STK3: variants seen among roughly 807,000 people sequenced by gnomAD.
STK3 encodes serine/threonine kinase 3, also known as serine/threonine-protein kinase 3.
STK3 carries 41 observed loss-of-function variants against 58.0 expected under a neutral mutation model. The observed-to-expected ratio is 0.71, with a 90% CI of 0.55 to 0.92. The LOEUF (loss-of-function observed/expected upper bound fraction) is 0.92, where lower values mean the gene tolerates loss of function less well. Among genes scored for constraint, STK3 ranks in the 40% least tolerant of loss-of-function variants. The pLI, the probability that STK3 is intolerant of heterozygous loss-of-function variation, is 0.00. For synonymous variants in STK3, 170 were observed against 191.0 expected, an observed-to-expected ratio of 0.89 and a Z score of 0.91; for missense variants, 479 against 602.7, an observed-to-expected ratio of 0.79 and a Z score of 2.15.
chr8:98,697,670 G>C (rs1158922455), intron 6 of STK3, among the ~76,000 whole-genome samples: 1 of 152,182 alleles, frequency 6.6e-6, no homozygotes, highest in African/African-American at 2.4e-5. Context: ...GAGTGGTTTT[G>C]AGTGAGTTTC....
At chr8:98,528,760 G>A (rs895494855) in intron 9 of STK3, among the ~76,000 whole-genome samples, 2 of 152,038 alleles carry the variant, frequency 1.3e-5, no homozygotes, top group African/African-American at 4.8e-5. Flanking sequence ...GGACCCTGAT[G>A]GGCAACTGTA....
intron 3 of STK3, among the ~76,000 whole-genome samples, chr8:98,420,232 C>T (rs976526654): frequency 2.6e-5 from 4 of 152,106 alleles, no homozygotes; most frequent in South Asian, 2.1e-4. Flanking sequence ...CTTTGTCTGG[C>T]GAATCCATGC....
At chr8:98,609,811 T>C (rs1201305995) in intron 6 of STK3, among the ~76,000 whole-genome samples, 1 of 151,706 alleles carries the variant, frequency 6.6e-6, no homozygotes, top group Non-Finnish European at 1.5e-5. Flanking sequence ...ATACAAAAAA[T>C]TAACTGGGCG....
At chr8:98,531,120 A>T (rs930326316) in intron 9 of STK3, among the ~76,000 whole-genome samples, 1 of 152,238 alleles carries the variant, frequency 6.6e-6, no homozygotes, top group Non-Finnish European at 1.5e-5. Flanking sequence ...TATGAATCAC[A>T]AATGTTCTTA....
At chr8:98,912,205 C>T (rs562038436) in intron 1 of STK3, among the ~76,000 whole-genome samples, 2 of 152,188 alleles carry the variant, frequency 1.3e-5, no homozygotes, top group South Asian at 4.2e-4. Context: ...ATGGCAAAAC[C>T]TCGTCTCTAC....
chr8:98,801,986 A>G (rs1269409011), intron 1 of STK3, among the ~76,000 whole-genome samples: 1 of 152,162 alleles, frequency 6.6e-6, no homozygotes, highest in African/African-American at 2.4e-5. Flanking sequence ...AGCCTGGGCA[A>G]TGTAGCAAGA....
At chr8:98,492,044 A>G (rs184585269) in intron 10 of STK3, among the ~76,000 whole-genome samples, 7 of 152,360 alleles carry the variant, frequency 4.6e-5, no homozygotes, top group Admixed American at 3.3e-4. Flanking sequence ...GCTAAGACAG[A>G]AACATCATAT....
At chr8:98,917,659 C>T (rs776680267) in intron 1 of STK3, among the ~76,000 whole-genome samples, 2 of 152,158 alleles carry the variant, frequency 1.3e-5, no homozygotes, top group Non-Finnish European at 2.9e-5. Context: ...ATAGCCCAGC[C>T]TCTAGAACCG....
At chr8:98,371,878 G>A (rs1324143405) in intron 2 of STK3, among the ~76,000 whole-genome samples, 3 of 152,274 alleles carry the variant, frequency 2.0e-5, no homozygotes, top group East Asian at 1.9e-4. Flanking sequence ...CAAATTGCGT[G>A]TTGAAGTCTG....
chr8:98,547,675 G>C (rs1353803714), intron 9 of STK3, among the ~76,000 whole-genome samples: 1 of 152,180 alleles, frequency 6.6e-6, no homozygotes, highest in Non-Finnish European at 1.5e-5. Flanking sequence ...GAAAGTAAAT[G>C]TTAGGAACAC....
intron 1 of STK3, among the ~76,000 whole-genome samples, chr8:98,808,036 G>A (rs958196700): frequency 2.0e-5 from 3 of 152,204 alleles, no homozygotes; most frequent in Non-Finnish European, 4.4e-5. Flanking sequence ...AAAGTCCTAA[G>A]AGCTATGAAA....
At chr8:98,941,424 C>G (rs1840423562) in intron 1 of STK3, among the ~76,000 whole-genome samples, 1 of 152,238 alleles carries the variant, frequency 6.6e-6, no homozygotes, top group South Asian at 2.1e-4. Flanking sequence ...TGCAAAAGGT[C>G]CCCGCCCCGC....
intron 6 of STK3, among the ~76,000 whole-genome samples, chr8:98,692,031 T>G (rs1291598771): frequency 6.6e-6 from 1 of 151,798 alleles, no homozygotes; most frequent in Admixed American, 6.6e-5. Flanking sequence ...ATGTTCAATA[T>G]CACTAGTCAT....
chr8:98,682,415 A>C, intron 6 of STK3, among the ~76,000 whole-genome samples: 1 of 152,212 alleles, frequency 6.6e-6, no homozygotes, highest in Non-Finnish European at 1.5e-5. Flanking sequence ...AGAATGTAAG[A>C]GATTCACGAG....
chr8:98,509,408 G>A (rs748297690), intron 10 of STK3, among the ~76,000 whole-genome samples: 130 of 151,896 alleles, frequency 8.6e-4, no homozygotes, highest in Non-Finnish European at 8.8e-4. Context: ...TACTTAGGCT[G>A]TTTTATATAA....
chr8:98,352,782 A>C, the STK3 span, among the ~76,000 whole-genome samples: 3 of 152,268 alleles, frequency 2.0e-5, no homozygotes, highest in African/African-American at 7.2e-5. Flanking sequence ...GAAAAAAAAA[A>C]CAATGTACAG....
intron 6 of STK3, among the ~76,000 whole-genome samples, chr8:98,611,809 T>C (rs1410400145): frequency 6.6e-6 from 1 of 152,062 alleles, no homozygotes; most frequent in Non-Finnish European, 1.5e-5. Flanking sequence ...AAATGTCCTA[T>C]ATGAGTGTAA....
chr8:98,776,100 T>G (rs1009198879), intron 1 of STK3, among the ~76,000 whole-genome samples: 1 of 152,228 alleles, frequency 6.6e-6, no homozygotes, highest in African/African-American at 2.4e-5. Flanking sequence ...ATAATGCTGA[T>G]GAAACATCAC....
intron 10 of STK3, among the ~76,000 whole-genome samples, chr8:98,494,161 C>T (rs1270722034): frequency 3.9e-5 from 6 of 152,152 alleles, no homozygotes; most frequent in South Asian, 2.1e-4. Context: ...AAGGTATAAA[C>T]GCTGCTGCCT....
Sources: gnomAD v4.1 joint callset for allele counts (sites outside exome capture counted in the v4.1 genomes callset) on GRCh38, gnomAD v4.1.1 for gene constraint, MANE v1.5 for transcripts, NCBI Gene and HGNC (gene_info 2026-07-23, HGNC 2026-07-21) for gene names.